FAM227A: variants seen among roughly 807,000 people sequenced by gnomAD.
FAM227A encodes family with sequence similarity 227 member A.
A neutral mutation model predicts 74.7 loss-of-function variants in FAM227A; 80 were observed. The observed-to-expected ratio is 1.07, with a 90% confidence interval of 0.89 to 1.29. The LOEUF (loss-of-function observed/expected upper bound fraction) is 1.29, where lower values mean the gene tolerates loss of function less well. Among genes scored for constraint, FAM227A ranks in the 50% most tolerant of loss-of-function variants. The pLI is 0.00. For synonymous variants in FAM227A, 237 were observed against 241.8 expected, an observed-to-expected ratio of 0.98 and a Z score of 0.19; for missense variants, 654 against 683.4, an observed-to-expected ratio of 0.96 and a Z score of 0.48.
At chr22:38,588,615 T>TA (rs757871619) in intron 16 of FAM227A, among the ~76,000 whole-genome samples, 732 of 47,818 alleles carry the variant, frequency 0.015, 9 homozygotes, top group East Asian at 0.058. Flanking sequence ...TGACTCTGTC[T>TA]AAAAAAAAAA....
chr22:38,595,975 G>T (rs938759946), intron 15 of FAM227A, among the ~76,000 whole-genome samples: 5 of 150,970 alleles, frequency 3.3e-5, no homozygotes, highest in African/African-American at 7.3e-5. Flanking sequence ...TAATAAGGGG[G>T]GGGGGGCAGG....
chr22:38,617,173 G>A (rs2091595716), intron 11 of FAM227A, among the ~76,000 whole-genome samples: 1 of 152,010 alleles, frequency 6.6e-6, no homozygotes, highest in Non-Finnish European at 1.5e-5. Context: ...TCTTCAGAAT[G>A]TCTGCAAGAA....
Position 38,591,953 on chromosome 22 carries a change from C to CT in FAM227A, c.1533-414dup, listed in dbSNP as rs112701206. 4.1e-3 allele frequency among the ~76,000 whole-genome samples: 587 copies of CT among 143,406 alleles called. 3 individuals are homozygous for CT. Among genetic ancestry groups the CT allele is most frequent in the African/African-American group, 0.011 (443 of 39,386 alleles). 94.1% of individuals were successfully genotyped at this position (143,406 alleles called of 152,430 possible). A position where few individuals can be genotyped will look rare whatever the true frequency, so the allele number is the denominator to read the frequency against. ...GAGCTTCTCAACAATATCTTTTTTT[C>CT]TTTTTTTTTTTTTGAGATGGAGTCT... On this transcript the variant is annotated intron_variant, in intron 15 of 16. Transcript: ENST00000535113.
intron 16 of FAM227A, among the ~76,000 whole-genome samples, chr22:38,588,156 T>C (rs1702295932): frequency 6.6e-6 from 1 of 152,188 alleles, no homozygotes; most frequent in Non-Finnish European, 1.5e-5. Flanking sequence ...CAGGACAAAA[T>C]GCCTCCTTTC....
chr22:38,613,135 T>C (rs1401428769), intron 11 of FAM227A, among the ~76,000 whole-genome samples: 1 of 90,556 alleles, frequency 1.1e-5, no homozygotes, highest in Non-Finnish European at 2.0e-5. Flanking sequence ...ATTATATATA[T>C]AATATATATA....
intron 3 of FAM227A, among the ~76,000 whole-genome samples, chr22:38,640,628 C>A (rs1298464870): frequency 6.6e-6 from 1 of 152,154 alleles, no homozygotes; most frequent in Non-Finnish European, 1.5e-5. Context: ...TGTGTTTTTG[C>A]CCTCAAGGGA....
intron 10 of FAM227A, among the ~76,000 whole-genome samples, chr22:38,622,349 T>G (rs1490063718): frequency 6.6e-6 from 1 of 152,172 alleles, no homozygotes. Flanking sequence ...CATGAACCTT[T>G]CCAGGCAGAA....
At chr22:38,618,170 A>G (rs1310305582) in intron 11 of FAM227A, among the ~76,000 whole-genome samples, 3 of 152,176 alleles carry the variant, frequency 2.0e-5, no homozygotes, top group Non-Finnish European at 4.4e-5. Context: ...AATTATTTTG[A>G]GCTGAAGGCA....
intron 13 of FAM227A, among the ~76,000 whole-genome samples, chr22:38,604,402 C>A (rs567585487): frequency 6.6e-6 from 1 of 152,178 alleles, no homozygotes; most frequent in Admixed American, 6.5e-5. Flanking sequence ...GACTCCCTTG[C>A]TAGCTGGTGC....
intron 11 of FAM227A, among the ~76,000 whole-genome samples, chr22:38,619,585 A>G (rs1162714048): frequency 6.6e-6 from 1 of 152,154 alleles, no homozygotes; most frequent in African/African-American, 2.4e-5. Context: ...TGGGCTCCCA[A>G]AGTATTGGGA....
chr22:38,613,096 T>A (rs1317760303), intron 11 of FAM227A, among the ~76,000 whole-genome samples: 16 of 93,866 alleles, frequency 1.7e-4, no homozygotes, highest in African/African-American at 4.7e-4. Context: ...ATATATATAT[T>A]ATATATAATT....
At chr22:38,611,257 C>T (rs2146286249) in intron 11 of FAM227A, among the ~76,000 whole-genome samples, 1 of 151,674 alleles carries the variant, frequency 6.6e-6, no homozygotes, top group Non-Finnish European at 1.5e-5. Context: ...TCAGATTCAG[C>T]ACGCTGAGGG....
At chr22:38,635,933 G>C (rs1165244147) in intron 6 of FAM227A, among the ~76,000 whole-genome samples, 1 of 151,980 alleles carries the variant, frequency 6.6e-6, no homozygotes, top group Non-Finnish European at 1.5e-5. Context: ...TGAGGCTGCA[G>C]TGAGCTATGA....
chr22:38,578,774 A>G lies in FAM227A; in HGVS notation c.*7351T>C, dbSNP rs1379796397. The G allele has an allele frequency of 6.6e-6, 1 of 152,264 alleles. No homozygotes were observed. The highest frequency in any genetic ancestry group is 1.5e-5 in the Non-Finnish European group (1 of 68,074). 9.4% of individuals were successfully genotyped at this position (152,264 alleles called of 1,614,324 possible). A position where few individuals can be genotyped will look rare whatever the true frequency, so the allele number is the denominator to read the frequency against. The stretch of plus-strand genomic sequence containing the variant: ...GCAGGGCGGGAAAGGCAGAAGGAAC[A>G]CAGAGGCTTATTTGGGGAACTGCAA... On this transcript the variant is annotated 3_prime_UTR_variant, in exon 17 of 17. Coordinates refer to ENST00000535113, the MANE Select transcript of FAM227A (RefSeq NM_001013647.2).
At chr22:38,626,383 C>CT in intron 8 of FAM227A, 80 bp from the exon 9 acceptor site, 1 of 1,451,946 alleles carries the variant, frequency 6.9e-7, no homozygotes, top group Non-Finnish European at 9.2e-7. Context: ...GAAGGACTTT[C>CT]TTTTTTTATA....
At chr22:38,640,046 T>C (rs976557356) in intron 3 of FAM227A, among the ~76,000 whole-genome samples, 1 of 152,188 alleles carries the variant, frequency 6.6e-6, no homozygotes, top group Non-Finnish European at 1.5e-5. Flanking sequence ...GTTCTTTTTT[T>C]TTTTTGAGAC....
At chr22:38,629,222 T>C (rs1458868336) in intron 6 of FAM227A, among the ~76,000 whole-genome samples, 4 of 152,174 alleles carry the variant, frequency 2.6e-5, no homozygotes, top group African/African-American at 9.7e-5. Flanking sequence ...CCTCCAGCTC[T>C]CACCTCCTAC....
At position 38,582,815 on chromosome 22, in the gene FAM227A, G is replaced by A; in HGVS notation, c.*3310C>T. ...TGGTAACTGCTGCCATAATGGGATG[G>A]CACAGAATGCTGTTGGAGCATAATG... On this transcript the variant is annotated 3_prime_UTR_variant, in exon 17 of 17. Coordinates refer to ENST00000535113, the MANE Select transcript of FAM227A (RefSeq NM_001013647.2). 1 of 1,549,028 alleles carries A rather than the reference G, an allele frequency of 6.5e-7. No homozygotes were observed. Among genetic ancestry groups the A allele is most frequent in the East Asian group, 2.4e-5 (1 of 40,930 alleles).
intron 11 of FAM227A, among the ~76,000 whole-genome samples, chr22:38,609,852 A>G (rs1602930913): frequency 6.7e-6 from 1 of 150,204 alleles, no homozygotes; most frequent in South Asian, 2.1e-4. Context: ...GCTCACTGCA[A>G]CCTCCGCTTC....
Sources: allele counts gnomAD v4.1 joint callset (sites outside exome capture counted in the v4.1 genomes callset), GRCh38; gene constraint gnomAD v4.1.1; transcripts MANE v1.5; gene names NCBI Gene and HGNC (gene_info 2026-07-23, HGNC 2026-07-21).